Variants in ZNF536 observed in about 807,000 individuals in gnomAD.
ZNF536 encodes zinc finger protein 536.
Under a neutral mutation model 84.5 loss-of-function variants are expected in ZNF536, and 13 were observed. The ratio of observed to expected loss-of-function variants is 0.15; its 90% CI spans 0.10 to 0.24. The LOEUF (loss-of-function observed/expected upper bound fraction) is 0.24, where lower values mean the gene tolerates loss of function less well. ZNF536 is among the 10% of genes least tolerant of loss of function. ZNF536 has a pLI of 1.00. For synonymous variants in ZNF536, 811 were observed against 742.5 expected, an observed-to-expected ratio of 1.09 and a Z score of -1.50; for missense variants, 1,536 against 1,747.5, an observed-to-expected ratio of 0.88 and a Z score of 2.16.
chr19:30,444,899 T>G lies in ZNF536; in HGVS notation c.1337T>G (p.Leu446Arg). ...TTCATGACCCCGGACAAAGCCGGCC[T>G]GAGCGAGCCCAGCCAGCTCTATGGC... ...SGFMTPDKAG[L>R]SEPSQLYGKG... The change falls in exon 2 of 5, where the codon CTG (leucine) becomes CGG (arginine). Residue 446 changes from leucine to arginine, a missense_variant. Coordinates refer to ENST00000355537, the MANE Select transcript of ZNF536 (RefSeq NM_014717.3). The G allele has an allele frequency of 1.2e-6, 2 of 1,611,322 alleles. No homozygotes were observed. Among genetic ancestry groups the G allele is most frequent in the Non-Finnish European group, 1.7e-6 (2 of 1,178,884 alleles).
chr19:30,389,975 C>T (rs556213819), intron 1 of ZNF536, among the ~76,000 whole-genome samples: 1 of 152,346 alleles, frequency 6.6e-6, no homozygotes, highest in East Asian at 1.9e-4. Context: ...TCTCAAATGG[C>T]TGCTGGGATC....
intron 2 of ZNF536, among the ~76,000 whole-genome samples, chr19:30,526,367 G>A (rs1407374406): frequency 6.6e-6 from 1 of 152,212 alleles, no homozygotes; most frequent in African/African-American, 2.4e-5. Flanking sequence ...GTGCCAGAGG[G>A]CAGAGACCCC....
intron 1 of ZNF536, among the ~76,000 whole-genome samples, chr19:30,383,637 T>TCTTC (rs1334962906): frequency 2.4e-4 from 13 of 54,416 alleles, no homozygotes; most frequent in South Asian, 6.4e-4. Flanking sequence ...TTTCTTCCTT[T>TCTTC]CTTCCTTCCT....
In ZNF536 at chr19:30,547,972, G is replaced by A. The variant is rs2146174686; in HGVS notation, c.2353G>A (p.Asp785Asn). 1 of 1,584,986 alleles carries A rather than the reference G, an allele frequency of 6.3e-7. No homozygotes were observed. Residue 785 changes from aspartate to asparagine, a missense_variant, in exon 4 of 5, where the codon GAC becomes AAC. Asp to Asn is a conservative substitution (Grantham distance 23). Transcript: ENST00000355537. ...GAAACCCTACAAGTGTCCGCACTGT[G>A]ACTATGCCGGCACGCAGTCAGCATC... ...GEKPYKCPHC[D>N]YAGTQSASLK...
At position 30,614,465 on chromosome 19, in the gene ZNF536, G is replaced by C. The variant is rs976048672; in HGVS notation, c.169+64951G>C. ...GCAGTGGGGACTGGGCGGGGGCGGG[G>C]GAGAGAGAGAGAGAGAGAAAGTAGG... On this transcript the variant is annotated intron_variant, in intron 1 of 1. Coordinates refer to the ZNF536 transcript ENST00000592773. Among the ~76,000 whole-genome samples, 21 of 147,966 alleles carry C rather than the reference G, an allele frequency of 1.4e-4. No homozygotes were observed. In the East Asian group the frequency reaches 4.0e-3, roughly 28 times the overall value.
At chr19:30,546,843 G>C (rs2045577753) in intron 3 of ZNF536, among the ~76,000 whole-genome samples, 1 of 152,072 alleles carries the variant, frequency 6.6e-6, no homozygotes, top group African/African-American at 2.4e-5. Flanking sequence ...AAAAGACCTG[G>C]GATTGCTAAC....
intron 2 of ZNF536, among the ~76,000 whole-genome samples, chr19:30,304,326 C>G (rs978158281): frequency 1.3e-5 from 2 of 152,244 alleles, no homozygotes; most frequent in Non-Finnish European, 2.9e-5. Context: ...GAGCCGGGCT[C>G]ACACACAATC....
At chr19:30,353,170 T>C (rs769834213) in intron 3 of ZNF536, among the ~76,000 whole-genome samples, 1 of 152,236 alleles carries the variant, frequency 6.6e-6, no homozygotes, top group South Asian at 2.1e-4. Flanking sequence ...TCATCAGATA[T>C]TGGTTTATTA....
chr19:30,345,754 C>T (rs961457573), intron 2 of ZNF536, among the ~76,000 whole-genome samples: 9 of 152,158 alleles, frequency 5.9e-5, no homozygotes, highest in Non-Finnish European at 1.0e-4. Flanking sequence ...GACCCACCAG[C>T]GGGAGCCACA....
chr19:30,552,764 G>A (rs201478978), intron 4 of ZNF536, among the ~76,000 whole-genome samples: 15 of 152,300 alleles, frequency 9.8e-5, no homozygotes, highest in Non-Finnish European at 1.3e-4. Context: ...GGGAGAAGCC[G>A]ACCCAGCCAG....
At chr19:30,673,669 C>T (rs893875980) in intron 1 of ZNF536, among the ~76,000 whole-genome samples, 23 of 152,168 alleles carry the variant, frequency 1.5e-4, no homozygotes, top group African/African-American at 5.3e-4. Context: ...CCTGCTATCT[C>T]GTCACCTCTT....
At chr19:30,594,413 C>G (rs1054825320) in intron 1 of ZNF536, among the ~76,000 whole-genome samples, 5 of 152,174 alleles carry the variant, frequency 3.3e-5, no homozygotes, top group Admixed American at 2.0e-4. Flanking sequence ...AGGTCCTCCC[C>G]TCTTCTTTCC....
At chr19:30,290,466 C>A (rs1250784985) in intron 2 of ZNF536, among the ~76,000 whole-genome samples, 1 of 152,014 alleles carries the variant, frequency 6.6e-6, no homozygotes, top group African/African-American at 2.4e-5. Flanking sequence ...GATATGGGAT[C>A]TTTCTATGTT....
rs1253587490 is a variant in ZNF536 at position 30,548,306 on chromosome 19, A to T, written c.2687A>T (p.His896Leu). The T allele has an allele frequency of 5.6e-6, 9 of 1,614,070 alleles. No individual in the cohort carries two copies. Among genetic ancestry groups the T allele is most frequent in the Non-Finnish European group, 7.6e-6 (9 of 1,180,040 alleles). The stretch of plus-strand genomic sequence containing the variant: ...ACTGACCTTCCTTCCAAAAGCACCC[A>T]CTTCTCTGAGATCGGAAGAGCTTAT... ...KGTDLPSKST[H>L]FSEIGRAYQS... The change falls in exon 4 of 5, where the codon CAC (histidine) becomes CTC (leucine). Residue 896 changes from histidine (H) to leucine (L), a missense_variant. His to Leu is a moderately conservative substitution (Grantham distance 99, BLOSUM62 -3). Transcript: ENST00000355537.
At chr19:30,598,877 A>C (rs1261803625) in intron 1 of ZNF536, among the ~76,000 whole-genome samples, 2 of 149,402 alleles carry the variant, frequency 1.3e-5, no homozygotes, top group Non-Finnish European at 3.0e-5. Flanking sequence ...CTTCCTCACT[A>C]TTTTTTCCTC....
intron 2 of ZNF536, chr19:30,300,543 A>G (rs965696528): frequency 6.6e-5 from 10 of 152,190 alleles, no homozygotes; most frequent in African/African-American, 2.2e-4. Flanking sequence ...GCAACAGCAC[A>G]CTAGAATCAT....
At chr19:30,603,899 G>A (rs2047779525) in intron 1 of ZNF536, among the ~76,000 whole-genome samples, 1 of 152,146 alleles carries the variant, frequency 6.6e-6, no homozygotes, top group African/African-American at 2.4e-5. Flanking sequence ...AGACCAGCCT[G>A]GCCAACATGG....
At position 30,406,068 on chromosome 19, in the gene ZNF536, C is replaced by T. The variant is rs193172470; in HGVS notation, c.-3+33512C>T. Reference sequence around the variant, plus strand: ...GTGGGATTACAGGCGTGAGCCACCACGCCCAGCCACTGTTTCTATCTTATC... The same window carrying T: ...GTGGGATTACAGGCGTGAGCCACCATGCCCAGCCACTGTTTCTATCTTATC... On this transcript the variant is annotated intron_variant, in intron 1 of 4. Transcript: ENST00000355537. 7.1e-4 allele frequency among the ~76,000 whole-genome samples: 108 copies of T among 152,336 alleles called. 2 individuals are homozygous for T. The highest frequency in any genetic ancestry group is 2.3e-3 in the African/African-American group (96 of 41,582).
intron 1 of ZNF536, among the ~76,000 whole-genome samples, chr19:30,579,697 ATC>A (rs1400328407): frequency 6.6e-6 from 1 of 152,170 alleles, no homozygotes; most frequent in Non-Finnish European, 1.5e-5. Context: ...AATGCAATCA[ATC>A]TCTTTCTGTC....
Sources: gnomAD v4.1 joint callset for allele counts (sites outside exome capture counted in the v4.1 genomes callset) on GRCh38, gnomAD v4.1.1 for gene constraint, MANE v1.5 for transcripts, NCBI Gene and HGNC (gene_info 2026-07-23, HGNC 2026-07-21) for gene names.